The following ANO3 variants were observed in gnomAD, a reference collection of about 807,000 sequenced individuals.
ANO3 encodes the protein anoctamin 3.
Under a neutral mutation model 144.8 loss-of-function variants are expected in ANO3, and 99 were observed. The ratio of observed to expected loss-of-function variants is 0.68; its 90% CI spans 0.58 to 0.81. The LOEUF (loss-of-function observed/expected upper bound fraction) is 0.81, where lower values mean the gene tolerates loss of function less well. Among genes scored for constraint, ANO3 ranks in the 30% least tolerant of loss-of-function variants. The pLI, the probability that ANO3 is intolerant of heterozygous loss-of-function variation, is 0.00. For missense variants in ANO3, 905 were observed against 1,202.2 expected (o/e 0.75, Z 3.66); for synonymous variants, 414 against 392.6 (o/e 1.05, Z -0.64).
intron 1 of ANO3, among the ~76,000 whole-genome samples, chr11:26,349,082 A>G (rs1391021079): frequency 6.6e-6 from 1 of 152,192 alleles, no homozygotes; most frequent in Non-Finnish European, 1.5e-5. Context: ...TGGGCTTCTT[A>G]TTACTACATG....
At chr11:26,450,192 A>T (rs909883099) in intron 3 of ANO3, among the ~76,000 whole-genome samples, 1 of 152,032 alleles carries the variant, frequency 6.6e-6, no homozygotes, top group Non-Finnish European at 1.5e-5. Context: ...TGTTTGCCTT[A>T]CTCATATTGC....
upstream of ANO3, among the ~76,000 whole-genome samples, chr11:26,305,730 A>C (rs868049625): frequency 1.2e-4 from 18 of 152,304 alleles, no homozygotes; most frequent in South Asian, 2.1e-4. Context: ...GCCAGATATA[A>C]ATCCTGATAT....
chr11:26,324,679 G>T (rs553219686), intron 1 of ANO3, among the ~76,000 whole-genome samples: 1 of 152,206 alleles, frequency 6.6e-6, no homozygotes, highest in Non-Finnish European at 1.5e-5. Context: ...ATTGGCTCAC[G>T]TGGGGGCTGG....
At chr11:26,235,144 C>G (rs189939658) in intron 1 of ANO3, among the ~76,000 whole-genome samples, 4 of 152,056 alleles carry the variant, frequency 2.6e-5, no homozygotes, top group African/African-American at 9.7e-5. Context: ...CTCAGTCCAC[C>G]AATTCAAATT....
intron 14 of ANO3, among the ~76,000 whole-genome samples, chr11:26,575,425 T>C (rs986687199): frequency 2.0e-5 from 3 of 151,822 alleles, no homozygotes; most frequent in African/African-American, 7.2e-5. Context: ...TAAATATATA[T>C]TAGAAATATT....
rs77881987 is a variant in ANO3, at chr11:26,409,566, G to C, written c.47-32352G>C. 9.5e-3 allele frequency among the ~76,000 whole-genome samples: 1,437 copies of C among 152,024 alleles called. 17 individuals carry two copies. Among genetic ancestry groups the C allele is most frequent in the African/African-American group, 0.032 (1,328 of 41,516 alleles). The stretch of plus-strand genomic sequence containing the variant: ...AAGGGACAACAATTACATGAATCAT[G>C]TCAGTACACTAAATTTACTTTATAA... On this transcript the variant is annotated intron_variant, in intron 1 of 26. Coordinates refer to ENST00000256737, the MANE Select transcript of ANO3 (RefSeq NM_031418.4).
chr11:26,496,072 G>T (rs1860926321), intron 4 of ANO3, among the ~76,000 whole-genome samples: 1 of 152,068 alleles, frequency 6.6e-6, no homozygotes, highest in Admixed American at 6.6e-5. Flanking sequence ...AATATTCTGG[G>T]GCTATTTCCC....
At chr11:26,377,338 G>C (rs1856441556) in intron 1 of ANO3, among the ~76,000 whole-genome samples, 1 of 151,964 alleles carries the variant, frequency 6.6e-6, no homozygotes, top group South Asian at 2.1e-4. Flanking sequence ...AAATCTGTTT[G>C]AAAATATGAG....
intron 1 of ANO3, among the ~76,000 whole-genome samples, chr11:26,193,869 T>C (rs1268561042): frequency 2.6e-5 from 4 of 152,174 alleles, no homozygotes; most frequent in Non-Finnish European, 5.9e-5. Context: ...ACATTTTTAC[T>C]GTGTAAACTT....
chr11:26,564,732 CATATATATATATAT>C (rs66510170), intron 14 of ANO3, among the ~76,000 whole-genome samples: 101 of 25,368 alleles, frequency 4.0e-3, no homozygotes, highest in East Asian at 7.3e-3. Context: ...CACACACACA[CATATATATATATAT>C]ATATATATAT....
intron 1 of ANO3, among the ~76,000 whole-genome samples, chr11:26,212,781 G>A (rs1043390147): frequency 2.6e-5 from 4 of 151,706 alleles, no homozygotes; most frequent in African/African-American, 9.7e-5. Context: ...CTCTTTTTAT[G>A]AGGCCAGCAT....
chr11:26,646,060 T>A (rs1022613037), intron 23 of ANO3, among the ~76,000 whole-genome samples: 6 of 152,198 alleles, frequency 3.9e-5, no homozygotes, highest in African/African-American at 1.2e-4. Context: ...CACCTTTATA[T>A]TTCTCTTCTA....
intron 1 of ANO3, among the ~76,000 whole-genome samples, chr11:26,252,057 T>C (rs1852939658): frequency 6.6e-6 from 1 of 152,202 alleles, no homozygotes; most frequent in Non-Finnish European, 1.5e-5. Flanking sequence ...GTCTAAACTT[T>C]TATATCAATA....
At chr11:26,439,893 T>C (rs1268600620) in intron 1 of ANO3, among the ~76,000 whole-genome samples, 2 of 152,238 alleles carry the variant, frequency 1.3e-5, no homozygotes, top group Non-Finnish European at 2.9e-5. Context: ...TATTTACTTC[T>C]ATAATTTAAA....
chr11:26,522,042 G>A (rs941863798), intron 6 of ANO3, among the ~76,000 whole-genome samples: 19 of 152,092 alleles, frequency 1.2e-4, no homozygotes, highest in Non-Finnish European at 2.6e-4. Flanking sequence ...AAATTAGCCG[G>A]GGGTAGTGGC....
At chr11:26,293,155 A>C (rs1853998906) in intron 1 of ANO3, among the ~76,000 whole-genome samples, 2 of 152,182 alleles carry the variant, frequency 1.3e-5, no homozygotes, top group African/African-American at 4.8e-5. Flanking sequence ...TGTTTTGAAA[A>C]GGTAAATTTT....
intron 4 of ANO3, among the ~76,000 whole-genome samples, chr11:26,479,831 C>A (rs1860140115): frequency 1.3e-5 from 2 of 152,152 alleles, no homozygotes; most frequent in South Asian, 4.1e-4. Flanking sequence ...CTTGTAATAG[C>A]AAATTATCCC....
At chr11:26,263,631 G>C (rs1024223295) in intron 1 of ANO3, among the ~76,000 whole-genome samples, 1 of 152,194 alleles carries the variant, frequency 6.6e-6, no homozygotes, top group Non-Finnish European at 1.5e-5. Context: ...GTTGAAACCT[G>C]ACTAAGGACT....
chr11:26,519,520 A>G (rs1392907631), intron 6 of ANO3, among the ~76,000 whole-genome samples: 1 of 152,228 alleles, frequency 6.6e-6, no homozygotes, highest in Non-Finnish European at 1.5e-5. Context: ...TTAAGCAACA[A>G]ACATTTACTT....
Sources: allele counts gnomAD v4.1 joint callset (sites outside exome capture counted in the v4.1 genomes callset), GRCh38; gene constraint gnomAD v4.1.1; transcripts MANE v1.5; gene names NCBI Gene and HGNC (gene_info 2026-07-23, HGNC 2026-07-21).